ZNF730: variants seen among roughly 807,000 people sequenced by gnomAD.
The protein encoded by ZNF730 is putative zinc finger protein 730.
Under a neutral mutation model 12.6 loss-of-function variants are expected in ZNF730, and 12 were observed. That is an observed-to-expected ratio of 0.95 (90% CI 0.61 to 1.54). The LOEUF is 1.54. ZNF730 is among the 40% of genes most tolerant of loss of function. ZNF730 has a pLI of 0.00. For synonymous variants in ZNF730, 194 were observed against 195.8 expected, an observed-to-expected ratio of 0.99 and a Z score of 0.08; for missense variants, 643 against 583.5, an observed-to-expected ratio of 1.10 and a Z score of -1.05.
intron 1 of ZNF730, chr19:23,095,332 G>C: frequency 2.5e-6 from 1 of 398,636 alleles, no homozygotes; most frequent in Non-Finnish European, 4.4e-6. Flanking sequence ...CCCTGTCCAT[G>C]TGGGCCATTG....
At chr19:23,102,871 T>C in intron 1 of ZNF730, among the ~76,000 whole-genome samples, 1 of 152,194 alleles carries the variant, frequency 6.6e-6, no homozygotes. Context: ...AGGCTTAAAA[T>C]CATGAGTATG....
At position 23,098,116 on chromosome 19, in the gene ZNF730, C is replaced by T. The variant is rs1026629241; in HGVS notation, c.-94+22729C>T. ...CCAAGATCATTCCATTGCACTTCAG[C>T]CTGGGTGACAGAGTGAGACTCTGTC... On this transcript the variant is annotated intron_variant, in intron 1 of 2. Coordinates refer to the ZNF730 transcript ENST00000593635. Among the ~76,000 whole-genome samples, 24 of 151,712 alleles carry T rather than the reference C, an allele frequency of 1.6e-4. No individual in the cohort carries two copies. The East Asian group carries it at 4.7e-3, about 29-fold the overall frequency.
At chr19:23,095,135 T>C in intron 1 of ZNF730, 1 of 370,040 alleles carries the variant, frequency 2.7e-6, no homozygotes, top group African/African-American at 2.1e-5. Flanking sequence ...TTGTGACATA[T>C]CACTGGACCC....
chr19:23,092,138 T>C (rs201242905), intron 1 of ZNF730, among the ~76,000 whole-genome samples: 17 of 152,328 alleles, frequency 1.1e-4, no homozygotes, highest in Middle Eastern at 6.8e-3. Context: ...CCAGTTTTGC[T>C]TCTTTCTCAT....
At chr19:23,079,718 T>G (rs1026455169) in intron 1 of ZNF730, among the ~76,000 whole-genome samples, 1 of 152,128 alleles carries the variant, frequency 6.6e-6, no homozygotes, top group African/African-American at 2.4e-5. Context: ...AGAGATGATT[T>G]TTGTCTTACA....
chr19:23,146,242 G>C lies in ZNF730; in HGVS notation c.1198G>C (p.Glu400Gln). 1.9e-6 allele frequency: 3 copies of C among 1,613,020 alleles called. No individual in the cohort carries two copies. Among genetic ancestry groups the C allele is most frequent in the Non-Finnish European group, 2.5e-6 (3 of 1,179,528 alleles). ...TGTAGAGAAATTTTACAAATGTGAA[G>C]AATGTGGCAAAGCCTTTAGCCGTAT... ...HTVEKFYKCE[E>Q]CGKAFSRISH... The change falls in exon 4 of 4, where the codon GAA becomes CAA. Residue 400 changes from glutamate (E) to glutamine (Q), a missense_variant. Physicochemically the swap from Glu to Gln is conservative, Grantham distance 29 (BLOSUM62 2). Transcript: ENST00000597761.
Position 23,146,164 on chromosome 19 carries a change from G to A in ZNF730, c.1120G>A (p.Gly374Ser), listed in dbSNP as rs762803945. The part of the protein sequence containing the change: ...GGKPYKYKEC[G>S]KAFNQSSTLT... ...GAAACCCTACAAATATAAAGAATGTGGTAAAGCTTTTAACCAATCCTCAAC... is the reference window on the plus strand; with the variant it reads ...GAAACCCTACAAATATAAAGAATGTAGTAAAGCTTTTAACCAATCCTCAAC... Residue 374 changes from glycine (G) to serine (S), a missense_variant, in exon 4 of 4, where the codon GGT becomes AGT. Transcript: ENST00000597761. 6.2e-6 allele frequency: 10 copies of A among 1,607,778 alleles called. No individual in the cohort carries two copies. Among genetic ancestry groups the A allele is most frequent in the Non-Finnish European group, 8.5e-6 (10 of 1,176,870 alleles).
chr19:23,096,425 A>C (rs1970253478), intron 1 of ZNF730, among the ~76,000 whole-genome samples: 1 of 152,064 alleles, frequency 6.6e-6, no homozygotes, highest in Non-Finnish European at 1.5e-5. Context: ...GTATTATAAG[A>C]TATCTTTCTA....
intron 1 of ZNF730, among the ~76,000 whole-genome samples, chr19:23,111,638 A>G (rs1168940713): frequency 1.3e-5 from 2 of 151,870 alleles, no homozygotes; most frequent in Non-Finnish European, 2.9e-5. Flanking sequence ...AGTCCCAGCT[A>G]CTCGGGAGGC....
chr19:23,144,127 A>G (rs1304440221), intron 3 of ZNF730: 1 of 151,948 alleles, frequency 6.6e-6, no homozygotes, highest in African/African-American at 2.4e-5. Flanking sequence ...AATTTTTAAA[A>G]TTAATGTGTA....
intron 3 of ZNF730, among the ~76,000 whole-genome samples, chr19:23,140,778 C>G (rs943262020): frequency 6.6e-6 from 1 of 151,374 alleles, no homozygotes; most frequent in Non-Finnish European, 1.5e-5. Context: ...ATGGTGAAAC[C>G]CCATCTCTAC....
intron 1 of ZNF730, among the ~76,000 whole-genome samples, chr19:23,094,696 ACTC>A (rs1275065641): frequency 6.6e-6 from 1 of 151,290 alleles, no homozygotes; most frequent in Admixed American, 6.6e-5. Flanking sequence ...CTGATCTCGA[ACTC>A]CTGACCTCAG....
intron 1 of ZNF730, among the ~76,000 whole-genome samples, chr19:23,091,288 A>G (rs1472527411): frequency 6.6e-6 from 1 of 152,194 alleles, no homozygotes; most frequent in Non-Finnish European, 1.5e-5. Flanking sequence ...TCCGGGCAGA[A>G]GTTTGCTGCA....
At chr19:23,119,040 C>T (rs966497359) in intron 1 of ZNF730, among the ~76,000 whole-genome samples, 1 of 152,104 alleles carries the variant, frequency 6.6e-6, no homozygotes, top group Non-Finnish European at 1.5e-5. Context: ...TGTTTTATTT[C>T]TTTCTCTTGC....
rs148633256 is a variant in ZNF730, at chr19:23,107,759, T to A, written c.-93-26321T>A. Among the ~76,000 whole-genome samples the A allele has an allele frequency of 7.2e-5, 11 of 152,372 alleles. No homozygotes were observed. In the East Asian group the frequency reaches 1.9e-3, roughly 27 times the overall value. On this transcript the variant is annotated intron_variant, in intron 1 of 2. Coordinates refer to the ZNF730 transcript ENST00000593635. ...ATCTCAGAATAATGGCAGCATCTTT[T>A]GGTTTGTTTATGGTGGAACACACTC...
chr19:23,116,542 GATTACAGGCGCGCGCCAC>G (rs1481828404), upstream of ZNF730, among the ~76,000 whole-genome samples: 17 of 145,264 alleles, frequency 1.2e-4, no homozygotes, highest in African/African-American at 3.6e-4. Context: ...GAGTAGCTGG[GATTACAGGCGCGCGCCAC>G]TACTCCCAGC....
intron 1 of ZNF730, among the ~76,000 whole-genome samples, chr19:23,105,922 A>G (rs1046447687): frequency 3.3e-5 from 5 of 152,226 alleles, no homozygotes; most frequent in African/African-American, 1.2e-4. Context: ...CATTTCCTTC[A>G]GTGAAGGAAG....
At chr19:23,085,836 CTTTT>C (rs556123915) in intron 1 of ZNF730, among the ~76,000 whole-genome samples, 75 of 54,842 alleles carry the variant, frequency 1.4e-3, no homozygotes, top group African/African-American at 5.7e-3. Flanking sequence ...ATTTTTTTTT[CTTTT>C]TTTTTTTTTT....
At chr19:23,085,494 G>A (rs1369457659) in intron 1 of ZNF730, among the ~76,000 whole-genome samples, 2 of 90,884 alleles carry the variant, frequency 2.2e-5, no homozygotes, top group African/African-American at 9.6e-5. Flanking sequence ...CACCATGCCC[G>A]TCTTTTTTTT....
Sources: gnomAD v4.1 joint callset for allele counts (sites outside exome capture counted in the v4.1 genomes callset) on GRCh38, gnomAD v4.1.1 for gene constraint, MANE v1.5 for transcripts, NCBI Gene and HGNC (gene_info 2026-07-23, HGNC 2026-07-21) for gene names.